The following CACNA2D1 variants were observed in gnomAD, a reference collection of about 807,000 sequenced individuals.
The protein encoded by CACNA2D1 is voltage-dependent calcium channel subunit alpha-2/delta-1.
Under a neutral mutation model 171.5 loss-of-function variants are expected in CACNA2D1, and 53 were observed. That is an observed-to-expected ratio of 0.31 (90% CI 0.25 to 0.39). The LOEUF (loss-of-function observed/expected upper bound fraction) is 0.39. Among genes scored for constraint, CACNA2D1 ranks in the 10% least tolerant of loss-of-function variants. The pLI, the probability that CACNA2D1 is intolerant of heterozygous loss-of-function variation, is 1.00. For synonymous variants in CACNA2D1, 442 were observed against 443.1 expected, an observed-to-expected ratio of 1.00 and a Z score of 0.03; for missense variants, 903 against 1,299.8, an observed-to-expected ratio of 0.69 and a Z score of 4.69.
chr7:82,158,646 T>C (rs1200217395), intron 4 of CACNA2D1, among the ~76,000 whole-genome samples: 1 of 151,918 alleles, frequency 6.6e-6, no homozygotes, highest in African/African-American at 2.4e-5. Flanking sequence ...TTCAATTAAG[T>C]ATCAAAATAA....
intron 3 of CACNA2D1, among the ~76,000 whole-genome samples, chr7:82,205,529 A>G (rs1458162663): frequency 1.4e-5 from 2 of 148,018 alleles, no homozygotes; most frequent in African/African-American, 4.8e-5. Flanking sequence ...GAGGACACAG[A>G]TAAAATAAAG....
At chr7:82,018,283 T>C (rs893520084) in intron 12 of CACNA2D1, among the ~76,000 whole-genome samples, 1 of 152,180 alleles carries the variant, frequency 6.6e-6, no homozygotes, top group Non-Finnish European at 1.5e-5. Context: ...AGTGTCTTAC[T>C]CATAAATGAA....
intron 3 of CACNA2D1, among the ~76,000 whole-genome samples, chr7:82,302,188 T>G (rs1436208146): frequency 1.3e-5 from 2 of 152,204 alleles, no homozygotes; most frequent in African/African-American, 4.8e-5. Flanking sequence ...TTCTAGATTT[T>G]GGGGGTTTTT....
intron 14 of CACNA2D1, among the ~76,000 whole-genome samples, chr7:82,012,783 G>GAAT (rs1799953742): frequency 6.6e-6 from 1 of 151,944 alleles, no homozygotes; most frequent in Non-Finnish European, 1.5e-5. Flanking sequence ...CAGTATTCAC[G>GAAT]TCCACAAATG....
chr7:81,997,968 T>C (rs938265739), intron 18 of CACNA2D1, among the ~76,000 whole-genome samples: 8 of 151,960 alleles, frequency 5.3e-5, no homozygotes, highest in African/African-American at 1.9e-4. Flanking sequence ...TGCTGGTGTA[T>C]AATAATAAAG....
At chr7:82,022,602 CCTTA>C (rs1044906266) in intron 12 of CACNA2D1, among the ~76,000 whole-genome samples, 5 of 151,796 alleles carry the variant, frequency 3.3e-5, no homozygotes, top group Non-Finnish European at 7.4e-5. Context: ...GGATTATTTT[CCTTA>C]CTATCTGTTG....
intron 15 of CACNA2D1, among the ~76,000 whole-genome samples, chr7:82,009,807 T>C (rs892089242): frequency 7.2e-5 from 11 of 152,096 alleles, no homozygotes; most frequent in Admixed American, 6.6e-4. Flanking sequence ...CACATGTCTC[T>C]AGAAAATAAG....
chr7:82,051,842 T>C (rs1423396726), intron 10 of CACNA2D1, among the ~76,000 whole-genome samples: 3 of 152,166 alleles, frequency 2.0e-5, no homozygotes, highest in Non-Finnish European at 2.9e-5. Flanking sequence ...CACTGACTCC[T>C]ATCAAAGCAT....
intron 4 of CACNA2D1, among the ~76,000 whole-genome samples, chr7:82,151,862 T>A (rs1287328842): frequency 6.6e-6 from 1 of 152,050 alleles, no homozygotes; most frequent in Non-Finnish European, 1.5e-5. Flanking sequence ...AATATCCAGG[T>A]GAGAAGAATA....
intron 1 of CACNA2D1, among the ~76,000 whole-genome samples, chr7:82,384,090 A>G (rs1466273173): frequency 1.3e-5 from 2 of 152,220 alleles, no homozygotes; most frequent in African/African-American, 4.8e-5. Flanking sequence ...GTTATAGTAT[A>G]TACTGAAACC....
At chr7:82,400,367 T>A (rs1826244364) in intron 1 of CACNA2D1, among the ~76,000 whole-genome samples, 1 of 151,992 alleles carries the variant, frequency 6.6e-6, no homozygotes, top group South Asian at 2.1e-4. Context: ...TTGTATCCTC[T>A]TTTATTTCCT....
At chr7:82,009,401 A>T (rs1336855220) in intron 15 of CACNA2D1, 2 of 152,162 alleles carry the variant, frequency 1.3e-5, no homozygotes, top group Admixed American at 6.6e-5. Flanking sequence ...AGACAATGAA[A>T]CATCCTTAAT....
chr7:82,260,511 C>T (rs1806930187), intron 3 of CACNA2D1, among the ~76,000 whole-genome samples: 1 of 152,140 alleles, frequency 6.6e-6, no homozygotes, highest in Non-Finnish European at 1.5e-5. Context: ...ACATGGTTAA[C>T]CCTAAGCAAA....
chr7:82,119,958 A>G (rs1789517515), intron 5 of CACNA2D1, among the ~76,000 whole-genome samples: 1 of 152,106 alleles, frequency 6.6e-6, no homozygotes, highest in East Asian at 1.9e-4. Context: ...CAGGCTGGAC[A>G]ATCACTTCAG....
chr7:81,951,974 T>TTTTTTTTTTGTTTG, intron 38 of CACNA2D1, among the ~76,000 whole-genome samples: 1 of 147,720 alleles, frequency 6.8e-6, no homozygotes, highest in African/African-American at 2.5e-5. Context: ...AAAGTGTTTT[T>TTTTTTTTTTGTTTG]TTTTTTTTTT....
At chr7:82,282,247 G>C (rs548710681) in intron 3 of CACNA2D1, among the ~76,000 whole-genome samples, 2 of 152,332 alleles carry the variant, frequency 1.3e-5, no homozygotes, top group South Asian at 2.1e-4. Context: ...GCAGTAAGCA[G>C]AGATTGCACC....
rs538293334 is a variant in CACNA2D1 at position 82,011,330 on chromosome 7, T to C, written c.1362+824A>G. On this transcript the variant is annotated intron_variant, in intron 15 of 38. Transcript: ENST00000356860. Reference sequence around the variant, plus strand: ...TTTTAAGAAAGTGTACAAGTTTATGTTGGGCTGCATTCAAAGCCATCCTGG... The same window carrying C: ...TTTTAAGAAAGTGTACAAGTTTATGCTGGGCTGCATTCAAAGCCATCCTGG... Among the ~76,000 whole-genome samples, 3 of 152,278 alleles carry C rather than the reference T, an allele frequency of 2.0e-5. No individual in the cohort carries two copies. In the East Asian group the frequency reaches 5.8e-4, roughly 29 times the overall value.
chr7:82,348,210 AAAG>A (rs1291801192), intron 2 of CACNA2D1, among the ~76,000 whole-genome samples: 2 of 151,886 alleles, frequency 1.3e-5, no homozygotes, highest in African/African-American at 4.8e-5. Flanking sequence ...GAAAATTAAC[AAAG>A]AAGATTTGGT....
At chr7:82,386,019 T>C (rs1390794355) in intron 1 of CACNA2D1, among the ~76,000 whole-genome samples, 1 of 152,198 alleles carries the variant, frequency 6.6e-6, no homozygotes, top group Non-Finnish European at 1.5e-5. Context: ...AGGTTTAGAG[T>C]TGTAAACGCA....
Sources: gnomAD v4.1 joint callset for allele counts (sites outside exome capture counted in the v4.1 genomes callset) on GRCh38, gnomAD v4.1.1 for gene constraint, MANE v1.5 for transcripts, NCBI Gene and HGNC (gene_info 2026-07-23, HGNC 2026-07-21) for gene names.